MDM2: variants seen among roughly 807,000 people sequenced by gnomAD.
MDM2 encodes MDM2 proto-oncogene.
In MDM2, 11 loss-of-function variants were observed where a neutral mutation model predicts 64.3. The observed-to-expected ratio is 0.17, with a 90% CI of 0.11 to 0.28. The LOEUF is 0.28. MDM2 is among the 10% of genes least tolerant of loss of function. The probability of loss-of-function intolerance (pLI) is 1.00; values close to 1 mark genes in which losing one functional copy is unlikely to be tolerated. For missense variants in MDM2, 388 were observed against 577.1 expected (o/e 0.67, Z 3.36); for synonymous variants, 194 against 192.9 (o/e 1.01, Z -0.05).
chr12:68,843,031 C>G lies in MDM2; in HGVS notation c.*3182C>G. The G allele has an allele frequency of 1.4e-5, 3 of 214,600 alleles. No homozygotes were observed. The highest frequency in any genetic ancestry group is 2.8e-5 in the Non-Finnish European group (3 of 106,678). The allele number at this position is 214,600 out of a possible 1,614,324, so 13.3% of individuals were successfully genotyped here. ...TCCTGGTAGAACAAGCTTTATTTTT[C>G]GAGCCTAGCAATGATCTAGAAGCAG... On this transcript the variant is annotated 3_prime_UTR_variant, in exon 11 of 11. Transcript: ENST00000258149.
chr12:68,837,699 T>C (rs1299689929), intron 10 of MDM2, among the ~76,000 whole-genome samples: 1 of 152,206 alleles, frequency 6.6e-6, no homozygotes, highest in East Asian at 1.9e-4. Flanking sequence ...TAGAATGTGG[T>C]AGGATTTGCC....
At position 68,808,466 on chromosome 12, in the gene MDM2, C is replaced by T. The variant is rs781106986; in HGVS notation, c.-12C>T. The T allele has an allele frequency of 6.2e-7, 1 of 1,614,124 alleles. No homozygotes were observed. The highest frequency in any genetic ancestry group is 8.5e-7 in the Non-Finnish European group (1 of 1,180,012). ...CTTGAGGGACCCCCGACTCCAAGCGCGAAAACCCCGGATGGTGAGGAGCAG... is the reference window on the plus strand; with the variant it reads ...CTTGAGGGACCCCCGACTCCAAGCGTGAAAACCCCGGATGGTGAGGAGCAG... On this transcript the variant is annotated 5_prime_UTR_variant, in exon 1 of 11. Transcript: ENST00000258149.
intron 8 of MDM2, among the ~76,000 whole-genome samples, chr12:68,833,552 T>G (rs1034344612): frequency 1.3e-5 from 2 of 151,006 alleles, no homozygotes; most frequent in African/African-American, 4.9e-5. Context: ...TGGTATTTTT[T>G]ATAGTATTTT....
In MDM2 at chr12:68,843,763, G is replaced by C. The variant is rs562220494; in HGVS notation, c.*3914G>C. ...AAGGGATTAGTAGTTTACCTGTGGA[G>C]GTCCTCCAAGCATTATTTGGAGTTG... is the stretch of plus-strand genomic sequence containing the variant. On this transcript the variant is annotated 3_prime_UTR_variant, in exon 11 of 11. Transcript: ENST00000258149. The C allele has an allele frequency of 4.5e-6, 1 of 223,530 alleles. No individual in the cohort carries two copies. Among genetic ancestry groups the C allele is most frequent in the South Asian group, 1.8e-4 (1 of 5,438 alleles). The allele number at this position is 223,530 out of a possible 1,614,324, so 13.8% of individuals were successfully genotyped here.
At chr12:68,834,163 C>A (rs1339782863) in intron 8 of MDM2, among the ~76,000 whole-genome samples, 2 of 152,152 alleles carry the variant, frequency 1.3e-5, no homozygotes, top group Non-Finnish European at 2.9e-5. Context: ...ATGATATGGG[C>A]TGGGCGAGGT....
Position 68,844,009 on chromosome 12 carries a change from G to A in MDM2, c.*4160G>A, listed in dbSNP as rs145008177. 0.01 allele frequency: 2,120 copies of A among 206,838 alleles called. 56 individuals are homozygous for A. The highest frequency in any genetic ancestry group is 0.045 in the African/African-American group (1,970 of 43,808). The allele number at this position is 206,838 out of a possible 1,614,324, so 12.8% of individuals were successfully genotyped here. On this transcript the variant is annotated 3_prime_UTR_variant, in exon 11 of 11. Coordinates refer to ENST00000258149, the MANE Select transcript of MDM2 (RefSeq NM_002392.6). ...AATCTGTTTTTTTCTGAGGAGTATC[G>A]GTAGCATAAATGTGATTATAAACAT...
At position 68,824,492 on chromosome 12, in the gene MDM2, C is replaced by T. The variant is rs1347363402; in HGVS notation, c.426+62C>T. 3.1e-6 allele frequency: 5 copies of T among 1,594,410 alleles called. No individual in the cohort carries two copies. The East Asian group carries it at 8.9e-5, about 28-fold the overall frequency. On this transcript the variant is annotated intron_variant, in intron 6 of 10. Transcript: ENST00000258149. Reference sequence around the variant, plus strand: ...ATTTGCAAATTGGAAAGGTTATTTACAACAAGTTAGCTTACTGGTTATGTT... The same window carrying T: ...ATTTGCAAATTGGAAAGGTTATTTATAACAAGTTAGCTTACTGGTTATGTT...
At chr12:68,821,718 TA>T (rs1044232924) in intron 5 of MDM2, among the ~76,000 whole-genome samples, 3 of 149,758 alleles carry the variant, frequency 2.0e-5, no homozygotes, top group Admixed American at 6.6e-5. Flanking sequence ...CCTCATCTCT[TA>T]AAAAAGACAA....
At chr12:68,835,714 TCCCCCAACTGTTA>T in intron 8 of MDM2, 102 bp from the exon 9 acceptor site, 1 of 967,646 alleles carries the variant, frequency 1.0e-6, no homozygotes. Flanking sequence ...AGCAGGCCCA[TCCCCCAACTGTTA>T]CACCCTGCTG....
chr12:68,811,009 G>A (rs943777506), intron 2 of MDM2, among the ~76,000 whole-genome samples: 1 of 152,048 alleles, frequency 6.6e-6, no homozygotes, highest in African/African-American at 2.4e-5. Flanking sequence ...GGGATTACAG[G>A]CATGCGCCAC....
chr12:68,810,514 TGCAGTGGCACAATC>T (rs1880784938), intron 2 of MDM2, among the ~76,000 whole-genome samples: 1 of 151,820 alleles, frequency 6.6e-6, no homozygotes, highest in Admixed American at 6.6e-5. Flanking sequence ...CAGGCTGGAG[TGCAGTGGCACAATC>T]TCGGCTCACT....
chr12:68,824,278 G>A, intron 5 of MDM2, 85 bp from the exon 6 acceptor site: 6 of 902,160 alleles, frequency 6.7e-6, no homozygotes, highest in Non-Finnish European at 8.8e-6. Context: ...AAGGGTTTGT[G>A]TTAGACTGAT....
chr12:68,817,797 T>G (rs1290141710), intron 4 of MDM2, among the ~76,000 whole-genome samples: 3 of 152,074 alleles, frequency 2.0e-5, no homozygotes, highest in Non-Finnish European at 4.4e-5. Flanking sequence ...AATTATTCTT[T>G]TTTTTGTTTG....
chr12:68,825,425 G>A (rs1161736078), intron 7 of MDM2, among the ~76,000 whole-genome samples: 1 of 151,916 alleles, frequency 6.6e-6, no homozygotes, highest in Non-Finnish European at 1.5e-5. Flanking sequence ...AGGCCGAGGC[G>A]GGTGGATCAT....
chr12:68,809,171 A>G lies in MDM2; in HGVS notation c.15-37A>G, dbSNP rs1303849823. The G allele has an allele frequency of 1.9e-6, 3 of 1,605,736 alleles. No individual in the cohort carries two copies. In the East Asian group the frequency reaches 6.7e-5, roughly 36 times the overall value. On this transcript the variant is annotated intron_variant, in intron 1 of 10. Coordinates refer to ENST00000258149, the MANE Select transcript of MDM2 (RefSeq NM_002392.6). ...ATGTATTTTCCACAGATGTTTCATG[A>G]TTTCCAGTTTTCATCGTGTCTTTTT...
rs1042445523 is a variant in MDM2 at position 68,842,953 on chromosome 12, A to T, written c.*3104A>T. 2.4e-5 allele frequency: 5 copies of T among 210,620 alleles called. No homozygotes were observed. Among genetic ancestry groups the T allele is most frequent in the African/African-American group, 1.1e-4 (5 of 44,094 alleles). 13.0% of individuals were successfully genotyped at this position (210,620 alleles called of 1,614,324 possible). A position where few individuals can be genotyped will look rare whatever the true frequency, so the allele number is the denominator to read the frequency against. On this transcript the variant is annotated 3_prime_UTR_variant, in exon 11 of 11. Coordinates refer to ENST00000258149, the MANE Select transcript of MDM2 (RefSeq NM_002392.6). The stretch of plus-strand genomic sequence containing the variant: ...GAGCCGAATAAGGTTTGCCTGAAAT[A>T]ACTGACACTATATAATTTCTGCTTT...
At chr12:68,827,438 T>C (rs577001887) in intron 7 of MDM2, among the ~76,000 whole-genome samples, 3 of 152,318 alleles carry the variant, frequency 2.0e-5, no homozygotes, top group Admixed American at 6.5e-5. Context: ...GGTAGGACTT[T>C]GTATAATATG....
chr12:68,818,879 C>T (rs1260667160), intron 4 of MDM2, among the ~76,000 whole-genome samples: 2 of 151,748 alleles, frequency 1.3e-5, no homozygotes, highest in Non-Finnish European at 2.9e-5. Context: ...TACAGGTGCA[C>T]ACTACTATGA....
At chr12:68,822,285 T>G (rs1881921769) in intron 5 of MDM2, among the ~76,000 whole-genome samples, 2 of 152,224 alleles carry the variant, frequency 1.3e-5, no homozygotes, top group Admixed American at 1.3e-4. Flanking sequence ...AAGTTAGGAT[T>G]TAAAGCCCAG....
Sources: allele counts gnomAD v4.1 joint callset (sites outside exome capture counted in the v4.1 genomes callset), GRCh38; gene constraint gnomAD v4.1.1; transcripts MANE v1.5; gene names NCBI Gene and HGNC (gene_info 2026-07-23, HGNC 2026-07-21).